Variants in TMEM132D observed in about 807,000 individuals in gnomAD.
TMEM132D encodes the protein transmembrane protein 132D, also known as mature OL transmembrane protein.
A neutral mutation model predicts 62.3 loss-of-function variants in TMEM132D; 21 were observed. The ratio of observed to expected loss-of-function variants is 0.34; its 90% CI spans 0.24 to 0.49. The LOEUF (loss-of-function observed/expected upper bound fraction) is 0.49, where lower values mean the gene tolerates loss of function less well. Among genes scored for constraint, TMEM132D ranks in the 20% least tolerant of loss-of-function variants. TMEM132D has a pLI of 0.99. For missense variants in TMEM132D, 1,346 were observed against 1,402.8 expected (o/e 0.96, Z 0.65); for synonymous variants, 621 against 575.6 (o/e 1.08, Z -1.13).
chr12:129,139,560 C>T (rs1451791627), intron 5 of TMEM132D, among the ~76,000 whole-genome samples: 2 of 152,148 alleles, frequency 1.3e-5, no homozygotes, highest in East Asian at 3.9e-4. Context: ...AAACACCAAG[C>T]AAAAGTACAT....
intron 5 of TMEM132D, among the ~76,000 whole-genome samples, chr12:129,098,354 C>T (rs1209699929): frequency 1.3e-5 from 2 of 152,138 alleles, no homozygotes; most frequent in Non-Finnish European, 2.9e-5. Flanking sequence ...CACCAAAATT[C>T]GTAAGAATGA....
chr12:129,395,403 T>C (rs562935837), intron 3 of TMEM132D, among the ~76,000 whole-genome samples: 1 of 152,100 alleles, frequency 6.6e-6, no homozygotes, highest in Non-Finnish European at 1.5e-5. Flanking sequence ...TTAATTGTGG[T>C]CTTGATGCCC....
chr12:129,620,865 A>T (rs1362043756), intron 2 of TMEM132D, among the ~76,000 whole-genome samples: 1 of 152,178 alleles, frequency 6.6e-6, no homozygotes, highest in Non-Finnish European at 1.5e-5. Flanking sequence ...AAACTAGCTG[A>T]TGCACACTGG....
At chr12:129,617,006 T>A (rs1878937134) in intron 2 of TMEM132D, among the ~76,000 whole-genome samples, 1 of 152,248 alleles carries the variant, frequency 6.6e-6, no homozygotes, top group Non-Finnish European at 1.5e-5. Context: ...GCATCATTCA[T>A]GTTCCCTACT....
chr12:129,611,401 A>G (rs528926157), intron 2 of TMEM132D, among the ~76,000 whole-genome samples: 128 of 152,298 alleles, frequency 8.4e-4, no homozygotes, highest in Non-Finnish European at 1.3e-3. Context: ...AGCTCTTGGC[A>G]TTTTGAAAGG....
intron 1 of TMEM132D, among the ~76,000 whole-genome samples, chr12:129,727,867 A>G (rs756438781): frequency 9.2e-5 from 14 of 152,146 alleles, no homozygotes; most frequent in Non-Finnish European, 1.6e-4. Context: ...AGCAAAAGCA[A>G]GGAAAAAAGA....
At chr12:129,239,957 T>C (rs1228138111) in intron 4 of TMEM132D, among the ~76,000 whole-genome samples, 1 of 152,220 alleles carries the variant, frequency 6.6e-6, no homozygotes, top group Non-Finnish European at 1.5e-5. Flanking sequence ...TCACTCTCGA[T>C]GTCTGAGCAA....
chr12:129,819,510 C>A (rs560331251), intron 1 of TMEM132D, among the ~76,000 whole-genome samples: 1 of 152,162 alleles, frequency 6.6e-6, no homozygotes, highest in South Asian at 2.1e-4. Context: ...GTTCTTCCTG[C>A]GGCATTCAGC....
intron 3 of TMEM132D, among the ~76,000 whole-genome samples, chr12:129,351,079 T>C (rs1038044725): frequency 6.6e-6 from 1 of 152,126 alleles, no homozygotes; most frequent in Non-Finnish European, 1.5e-5. Context: ...CAGATGTGGA[T>C]GGGATGGCAA....
chr12:129,873,634 CCT>C, intron 1 of TMEM132D, among the ~76,000 whole-genome samples: 1 of 152,176 alleles, frequency 6.6e-6, no homozygotes, highest in Non-Finnish European at 1.5e-5. Flanking sequence ...TTTCAAATTA[CCT>C]CTTTTACAAA....
chr12:129,240,658 T>G (rs1173057909), intron 4 of TMEM132D, among the ~76,000 whole-genome samples: 5 of 152,212 alleles, frequency 3.3e-5, no homozygotes, highest in Admixed American at 6.5e-5. Context: ...TCATTGTCCT[T>G]TTAAAGACAT....
intron 1 of TMEM132D, chr12:129,854,990 C>T (rs1873677833): frequency 6.6e-6 from 1 of 152,412 alleles, no homozygotes; most frequent in Admixed American, 6.5e-5. Context: ...ATGCCCCTCC[C>T]CCAAATTAAT....
At position 129,120,544 on chromosome 12, in the gene TMEM132D, T is replaced by G. The variant is rs139939555; in HGVS notation, c.1444-35842A>C. The stretch of plus-strand genomic sequence containing the variant: ...GAAGGTTATGAAAAATTAGAAAAAG[T>G]TGAGGGGCTGTCCTAAATTGGAGAC... On this transcript the variant is annotated intron_variant, in intron 5 of 8. Transcript: ENST00000422113. Among the ~76,000 whole-genome samples, 11 of 152,186 alleles carry G rather than the reference T, an allele frequency of 7.2e-5. No homozygotes were observed. In the East Asian group the frequency reaches 2.1e-3, roughly 29 times the overall value.
At chr12:129,606,989 T>G (rs1000263091) in intron 2 of TMEM132D, among the ~76,000 whole-genome samples, 1 of 152,180 alleles carries the variant, frequency 6.6e-6, no homozygotes, top group African/African-American at 2.4e-5. Context: ...GTTACTTTCC[T>G]TGTCTATCTT....
intron 1 of TMEM132D, among the ~76,000 whole-genome samples, chr12:129,871,876 G>A (rs142364778): frequency 3.9e-5 from 6 of 152,280 alleles, no homozygotes; most frequent in African/African-American, 9.6e-5. Flanking sequence ...TGGCCCTTCC[G>A]GCCTGGATGT....
chr12:129,615,899 C>T (rs184900988), intron 2 of TMEM132D, among the ~76,000 whole-genome samples: 1 of 152,198 alleles, frequency 6.6e-6, no homozygotes, highest in South Asian at 2.1e-4. Flanking sequence ...CCAGAACTGG[C>T]TTGAGTTGAG....
At chr12:129,415,553 C>T (rs1193536001) in intron 3 of TMEM132D, among the ~76,000 whole-genome samples, 1 of 152,176 alleles carries the variant, frequency 6.6e-6, no homozygotes, top group Non-Finnish European at 1.5e-5. Flanking sequence ...CACATCTGAC[C>T]CACAGGAACT....
At chr12:129,406,845 A>G (rs1219948089) in intron 3 of TMEM132D, among the ~76,000 whole-genome samples, 1 of 152,212 alleles carries the variant, frequency 6.6e-6, no homozygotes, top group African/African-American at 2.4e-5. Flanking sequence ...CTGTACGCCC[A>G]GCAGAAGTAT....
chr12:129,240,434 T>C (rs1879906736), intron 4 of TMEM132D, among the ~76,000 whole-genome samples: 2 of 152,186 alleles, frequency 1.3e-5, no homozygotes, highest in African/African-American at 4.8e-5. Flanking sequence ...TGAAATACAG[T>C]AAAATCTTAG....
Sources: gnomAD v4.1 joint callset for allele counts (sites outside exome capture counted in the v4.1 genomes callset) on GRCh38, gnomAD v4.1.1 for gene constraint, MANE v1.5 for transcripts, NCBI Gene and HGNC (gene_info 2026-07-23, HGNC 2026-07-21) for gene names.